The following RNFT1 variants were observed in gnomAD, a reference collection of about 807,000 sequenced individuals.
RNFT1 encodes the protein ring finger protein, transmembrane 1, also known as E3 ubiquitin-protein ligase RNFT1.
A neutral mutation model predicts 53.2 loss-of-function variants in RNFT1; 35 were observed. That is an observed-to-expected ratio of 0.66 (90% CI 0.50 to 0.87). RNFT1 has a LOEUF of 0.87. RNFT1 is among the 40% of genes least tolerant of loss of function. The probability of loss-of-function intolerance (pLI) is 0.00; values close to 1 mark genes in which losing one functional copy is unlikely to be tolerated. For missense variants in RNFT1, 421 were observed against 515.0 expected (o/e 0.82, Z 1.77); for synonymous variants, 141 against 172.8 (o/e 0.82, Z 1.44).
At position 59,961,501 on chromosome 17, in the gene RNFT1, C is replaced by T. The variant is rs532318166; in HGVS notation, c.591+1039G>A. Among the ~76,000 whole-genome samples the T allele has an allele frequency of 6.6e-5, 10 of 152,210 alleles. No individual in the cohort carries two copies. The South Asian group carries it at 1.9e-3, about 28-fold the overall frequency. ...TTGCCTTAAGGTGAAATTTTAGAAA[C>T]TCATCCTCTTTTTCCCAATGATTTA... On this transcript the variant is annotated intron_variant, in intron 3 of 8. Transcript: ENST00000305783.
At chr17:59,956,664 C>A in intron 6 of RNFT1, 111 bp from the exon 7 acceptor site, 1 of 705,896 alleles carries the variant, frequency 1.4e-6, no homozygotes, top group South Asian at 1.7e-5. Context: ...ACTTAATGTT[C>A]ATTATATGTC....
At chr17:59,962,279 T>A (rs997984114) in intron 3 of RNFT1, 3 of 332,900 alleles carry the variant, frequency 9.0e-6, no homozygotes, top group Non-Finnish European at 1.7e-5. Flanking sequence ...GATACCGTGT[T>A]CTAACTCTTT....
intron 6 of RNFT1, 106 bp downstream of exon 6, chr17:59,957,118 G>C: frequency 9.2e-7 from 1 of 1,090,840 alleles, no homozygotes. Flanking sequence ...CTTCAAACTA[G>C]TGATATGAAG....
At chr17:59,961,283 C>T (rs892898429) in intron 3 of RNFT1, among the ~76,000 whole-genome samples, 9 of 152,058 alleles carry the variant, frequency 5.9e-5, no homozygotes, top group Non-Finnish European at 7.4e-5. Context: ...AGCAATCTGC[C>T]CATCTCAGCC....
chr17:59,956,542 A>C lies in RNFT1; in HGVS notation c.1017T>G (p.Phe339Leu). 1 of 1,612,800 alleles carries C rather than the reference A, an allele frequency of 6.2e-7. No individual in the cohort carries two copies. Among genetic ancestry groups the C allele is most frequent in the Non-Finnish European group, 8.5e-7 (1 of 1,179,194 alleles). The stretch of plus-strand genomic sequence containing the variant: ...GTCTGAAAGTTCTCAGATGCCCAAA[A>C]AATTCCAAAAGCTGAAAAGAGAAAT... ...LLYLILKLLE[F>L]FGHLRTFRQV... The change falls in exon 7 of 9, where the codon TTT becomes TTG. Residue 339 changes from phenylalanine to leucine, a missense_variant. By Grantham distance (22) the Phe-to-Leu change is conservative. Coordinates refer to ENST00000305783, the MANE Select transcript of RNFT1 (RefSeq NM_016125.4).
intron 3 of RNFT1, among the ~76,000 whole-genome samples, chr17:59,961,948 C>T (rs1430796012): frequency 6.7e-5 from 9 of 134,284 alleles, no homozygotes; most frequent in Non-Finnish European, 1.1e-4. Context: ...TGCAGTGGTG[C>T]GATCTCAGCT....
Position 59,962,754 on chromosome 17 carries a change from T to G in RNFT1, c.514+73A>C, listed in dbSNP as rs556077851. ...AAAATAAGTAACTGGATGCATTAAG[T>G]AGATTACCAATAATGAAAGAAAATT... On this transcript the variant is annotated intron_variant, in intron 2 of 8. Coordinates refer to ENST00000305783, the MANE Select transcript of RNFT1 (RefSeq NM_016125.4). 1.3e-4 allele frequency: 187 copies of G among 1,407,480 alleles called. 1 individual carries two copies. In the South Asian group the frequency reaches 2.3e-3, roughly 18 times the overall value. The allele number at this position is 1,407,480 out of a possible 1,614,324, so 87.2% of individuals were successfully genotyped here.
chr17:59,959,390 T>C (rs1247408182), intron 4 of RNFT1: 3 of 152,192 alleles, frequency 2.0e-5, no homozygotes, highest in Admixed American at 2.0e-4. Flanking sequence ...TCTTCTAATA[T>C]TCTAATAAAA....
intron 3 of RNFT1, among the ~76,000 whole-genome samples, 169 bp from the exon 4 acceptor site, chr17:59,960,337 T>TTAAA (rs2045280879): frequency 6.7e-6 from 1 of 149,902 alleles, no homozygotes; most frequent in South Asian, 2.1e-4. Flanking sequence ...ACTACTTTAG[T>TTAAA]GACCAAACAG....
In RNFT1 at chr17:59,957,271, T is replaced by G. The variant is rs775270982; in HGVS notation, c.958A>C (p.Arg320=). Residue 320 remains arginine (R), a synonymous_variant, in exon 6 of 9, where the codon AGA becomes CGA. Transcript: ENST00000305783. ...GCCAGCAGTATCCCAAGACTCCATCTAGTTACGTTACCAAACTCCCCATAG... is the reference window on the plus strand; with the variant it reads ...GCCAGCAGTATCCCAAGACTCCATCGAGTTACGTTACCAAACTCCCCATAG... ...ISYGEFGNVT[R]WSLGILLALL... is the part of the protein sequence containing the mutation. 3 of 1,613,976 alleles carry G rather than the reference T, an allele frequency of 1.9e-6. No individual in the cohort carries two copies. Among genetic ancestry groups the G allele is most frequent in the Non-Finnish European group, 2.5e-6 (3 of 1,179,956 alleles).
intron 8 of RNFT1, 104 bp downstream of exon 8, chr17:59,953,934 CCACTAAA>C: frequency 1.6e-6 from 1 of 639,730 alleles, no homozygotes; most frequent in Non-Finnish European, 2.7e-6. Context: ...ATGCTACCTT[CCACTAAA>C]CACTAGATTT....
Position 59,957,342 on chromosome 17 carries a change from T to C in RNFT1, c.887A>G (p.Tyr296Cys), listed in dbSNP as rs921235824. The change falls in exon 6 of 9, where the codon TAC becomes TGC. Residue 296 changes from tyrosine to cysteine, a missense_variant. Coordinates refer to ENST00000305783, the MANE Select transcript of RNFT1 (RefSeq NM_016125.4). ...YMLLEELCQY[Y>C]RTFVPIPVWF... The stretch of plus-strand genomic sequence containing the variant: ...AACTGGTATGGGAACAAAAGTTCGG[T>C]AGTATTGACACAATTCTTCTAAAAG... 4.3e-6 allele frequency: 7 copies of C among 1,613,816 alleles called. No homozygotes were observed. Among genetic ancestry groups the C allele is most frequent in the African/African-American group, 1.3e-5 (1 of 74,890 alleles).
At chr17:59,960,010 T>G in intron 4 of RNFT1, 58 bp downstream of exon 4, 1 of 1,527,088 alleles carries the variant, frequency 6.5e-7, no homozygotes. Flanking sequence ...AGATACAAAG[T>G]GCTATGAAAT....
At position 59,958,462 on chromosome 17, in the gene RNFT1, T is replaced by C; in HGVS notation, c.693-18A>G. 1 of 1,524,828 alleles carries C rather than the reference T, an allele frequency of 6.6e-7. No individual in the cohort carries two copies. The highest frequency in any genetic ancestry group is 8.9e-7 in the Non-Finnish European group (1 of 1,129,254). The allele number at this position is 1,524,828 out of a possible 1,614,324, so 94.5% of individuals were successfully genotyped here. A position where few individuals can be genotyped will look rare whatever the true frequency, so the allele number is the denominator to read the frequency against. On this transcript the variant is annotated intron_variant, in intron 4 of 8. Coordinates refer to ENST00000305783, the MANE Select transcript of RNFT1 (RefSeq NM_016125.4). ...AAATTAAGCTACCAAAAGAAAAACA[T>C]CAAAATTTATCAGAGCAACATACAA...
chr17:59,964,115 G>C (rs927448901), intron 1 of RNFT1, among the ~76,000 whole-genome samples: 5 of 152,176 alleles, frequency 3.3e-5, no homozygotes, highest in African/African-American at 9.7e-5. Context: ...GGACCTCCTA[G>C]AAACAGAAGA....
chr17:59,959,790 A>C (rs1328687120), intron 4 of RNFT1: 1 of 178,310 alleles, frequency 5.6e-6, no homozygotes, highest in African/African-American at 2.4e-5. Context: ...TGTGCCTGTA[A>C]TCCCAGCTAC....
intron 3 of RNFT1, among the ~76,000 whole-genome samples, chr17:59,961,764 AT>A (rs1379521851): frequency 6.6e-6 from 1 of 151,684 alleles, no homozygotes; most frequent in Non-Finnish European, 1.5e-5. Context: ...TTTAGTAGAC[AT>A]GGGGTTTCAC....
At chr17:59,962,448 T>G in intron 3 of RNFT1, 92 bp downstream of exon 3, 1 of 843,886 alleles carries the variant, frequency 1.2e-6, no homozygotes, top group Middle Eastern at 2.3e-4. Context: ...TTCCTATTTC[T>G]TTCAAGTTAT....
intron 5 of RNFT1, 23 bp from the exon 6 acceptor site, chr17:59,957,405 A>G (rs1347335888): frequency 1.3e-6 from 2 of 1,594,410 alleles, no homozygotes; most frequent in Non-Finnish European, 1.7e-6. Context: ...AAGAAAACAA[A>G]TAGAGCTACC....
Sources: gnomAD v4.1 joint callset for allele counts (sites outside exome capture counted in the v4.1 genomes callset) on GRCh38, gnomAD v4.1.1 for gene constraint, MANE v1.5 for transcripts, NCBI Gene and HGNC (gene_info 2026-07-23, HGNC 2026-07-21) for gene names.